The following MYO5B variants were observed in gnomAD, a reference collection of about 807,000 sequenced individuals.
The protein encoded by MYO5B is myosin VB.
In MYO5B, 143 loss-of-function variants were observed where a neutral mutation model predicts 229.3. That is an observed-to-expected ratio of 0.62 (90% CI 0.54 to 0.72). MYO5B has a LOEUF of 0.72. Ranked by LOEUF, MYO5B falls within the 30% of genes least tolerant of loss-of-function variation. MYO5B has a pLI of 0.00. For synonymous variants in MYO5B, 918 were observed against 885.2 expected, an observed-to-expected ratio of 1.04 and a Z score of -0.66; for missense variants, 2,321 against 2,331.0, an observed-to-expected ratio of 1.00 and a Z score of 0.09.
intron 1 of MYO5B, among the ~76,000 whole-genome samples, chr18:50,168,305 C>A (rs931927792): frequency 6.6e-6 from 1 of 152,206 alleles, no homozygotes; most frequent in Non-Finnish European, 1.5e-5. Context: ...AGTGGAAAAT[C>A]TGGCAACATG....
At chr18:49,831,866 A>G (rs1467391555) in intron 39 of MYO5B, among the ~76,000 whole-genome samples, 1 of 152,218 alleles carries the variant, frequency 6.6e-6, no homozygotes, top group African/African-American at 2.4e-5. Context: ...TCCATCAACC[A>G]ATGAATAGAC....
intron 1 of MYO5B, among the ~76,000 whole-genome samples, chr18:50,160,941 C>T (rs943173693): frequency 6.6e-6 from 1 of 152,234 alleles, no homozygotes; most frequent in Admixed American, 6.5e-5. Context: ...TGAAACACTG[C>T]GGCCATTCTC....
Position 50,070,620 on chromosome 18 carries a change from A to C in MYO5B, c.28-15242T>G, listed in dbSNP as rs75865559. 9.5e-3 allele frequency among the ~76,000 whole-genome samples: 1,451 copies of C among 152,208 alleles called. 20 individuals carry two copies. The highest frequency in any genetic ancestry group is 0.033 in the African/African-American group (1,372 of 41,514). On this transcript the variant is annotated intron_variant, in intron 1 of 39. Coordinates refer to ENST00000285039, the MANE Select transcript of MYO5B (RefSeq NM_001080467.3). ...AAATACCATTAATGCCACAGTTGAG[A>C]AATTCTGTTCTAGAATCATCTCAAA...
chr18:49,959,415 C>T lies in MYO5B; in HGVS notation c.1545+2851G>A, dbSNP rs549711725. The stretch of plus-strand genomic sequence containing the variant: ...ACACGAAAGCGCTAGACAAGGAAAC[C>T]TTTGGGGCCACTTCTTAAGAAACCA... On this transcript the variant is annotated intron_variant, in intron 12 of 39. Transcript: ENST00000285039. Among the ~76,000 whole-genome samples, 16 of 152,310 alleles carry T rather than the reference C, an allele frequency of 1.1e-4. No individual in the cohort carries two copies. In the South Asian group the frequency reaches 2.9e-3, roughly 28 times the overall value.
intron 1 of MYO5B, among the ~76,000 whole-genome samples, chr18:50,148,560 A>C (rs1214017172): frequency 2.0e-5 from 3 of 152,270 alleles, no homozygotes; most frequent in Admixed American, 1.3e-4. Flanking sequence ...AATTCAGCAT[A>C]TAAACAGAAC....
intron 18 of MYO5B, 48 bp from the exon 19 acceptor site, chr18:49,906,678 A>G (rs752018060): frequency 3.3e-6 from 5 of 1,512,434 alleles, no homozygotes; most frequent in Non-Finnish European, 4.6e-6. Context: ...TGAGCAGAGA[A>G]ATAACATGGC....
chr18:49,875,940 A>C, intron 25 of MYO5B, 113 bp from the exon 26 acceptor site: 1 of 1,249,802 alleles, frequency 8.0e-7, no homozygotes, highest in Non-Finnish European at 1.1e-6. Flanking sequence ...CTCTCCTCCC[A>C]AACATCAATT....
At chr18:49,984,624 G>A (rs1231464556) in intron 8 of MYO5B, 94 bp downstream of exon 8, 2 of 962,660 alleles carry the variant, frequency 2.1e-6, no homozygotes, top group East Asian at 4.8e-5. Flanking sequence ...AGCTCCTGCA[G>A]GTTGCTGGCA....
intron 22 of MYO5B, among the ~76,000 whole-genome samples, chr18:49,893,218 C>G (rs1013969044): frequency 1.3e-5 from 2 of 152,166 alleles, no homozygotes; most frequent in Non-Finnish European, 2.9e-5. Context: ...TAGGTGAGAC[C>G]TGATTTTGTG....
chr18:49,872,219 TGTG>T lies in MYO5B; in HGVS notation c.3548_3550del (p.Pro1183del). 1 of 1,614,168 alleles carries T rather than the reference TGTG, an allele frequency of 6.2e-7. No individual in the cohort carries two copies. Among genetic ancestry groups the T allele is most frequent in the Non-Finnish European group, 8.5e-7 (1 of 1,179,996 alleles). On this transcript the variant is annotated inframe_deletion, in exon 27 of 40. Coordinates refer to ENST00000285039, the MANE Select transcript of MYO5B (RefSeq NM_001080467.3). ...ATTCGGGTCCAAATCTATGTCAGTC[TGTG>T]GTGGTTCCGCCTGCATGGATAGAGA...
rs776630285 is a variant in MYO5B at position 49,974,476 on chromosome 18, T to C, written c.1196A>G (p.Asn399Ser). ...GTGCTTCGCCAGGGCGTTGCGCGCA[T>C]TGATCACCTGCTGCAGGGACATGGT... ...VKTMSLQQVI[N>S]ARNALAKHIY... Residue 399 changes from asparagine (N) to serine (S), a missense_variant, in exon 10 of 40, where the codon AAT (asparagine) becomes AGT (serine). By Grantham distance (46) the Asn-to-Ser change is conservative (BLOSUM62 1). This residue lies in a region of MYO5B where 2,113 missense variants were observed against 2,044.7 expected (regional missense o/e 1.03). Transcript: ENST00000285039. 18 of 1,614,030 alleles carry C rather than the reference T, an allele frequency of 1.1e-5. No individual in the cohort carries two copies. Among genetic ancestry groups the C allele is most frequent in the African/African-American group, 1.3e-5 (1 of 74,932 alleles).
chr18:49,884,947 T>A (rs527237187), intron 22 of MYO5B, among the ~76,000 whole-genome samples: 9 of 152,188 alleles, frequency 5.9e-5, no homozygotes, highest in Non-Finnish European at 1.2e-4. Context: ...CAGTTCACAC[T>A]CACCAGGATG....
intron 1 of MYO5B, among the ~76,000 whole-genome samples, chr18:50,067,439 G>C (rs1291643625): frequency 1.3e-5 from 2 of 152,178 alleles, no homozygotes; most frequent in Non-Finnish European, 2.9e-5. Flanking sequence ...CTGTTGTTCA[G>C]AGTCCCAGTT....
intron 39 of MYO5B, among the ~76,000 whole-genome samples, chr18:49,831,825 C>A (rs983885784): frequency 2.6e-5 from 4 of 152,072 alleles, no homozygotes; most frequent in African/African-American, 9.7e-5. Context: ...GGCATGATTC[C>A]CAATAGCCAA....
At chr18:49,837,410 T>C (rs759935859) in intron 37 of MYO5B, 107 bp downstream of exon 37, 48 of 1,363,690 alleles carry the variant, frequency 3.5e-5, no homozygotes, top group Admixed American at 5.2e-5. Context: ...GGACTGTCAA[T>C]TAGATTTGGA....
intron 7 of MYO5B, among the ~76,000 whole-genome samples, 154 bp downstream of exon 7, chr18:49,990,285 C>T (rs2025915158): frequency 6.6e-6 from 1 of 152,144 alleles, no homozygotes; most frequent in Admixed American, 6.5e-5. Context: ...ACTAATTGAG[C>T]AGTGAAATTT....
intron 32 of MYO5B, 64 bp from the exon 33 acceptor site, chr18:49,847,353 G>C: frequency 6.4e-7 from 1 of 1,573,620 alleles, no homozygotes; most frequent in Non-Finnish European, 8.6e-7. Context: ...AGGGTAGCGG[G>C]CATCTCTGGC....
intron 4 of MYO5B, among the ~76,000 whole-genome samples, chr18:50,032,390 A>G (rs1028438189): frequency 6.6e-6 from 1 of 152,186 alleles, no homozygotes; most frequent in Non-Finnish European, 1.5e-5. Context: ...CTCCAGCCCT[A>G]GGCAGCTGTA....
chr18:50,181,989 T>G (rs2033079756), intron 1 of MYO5B, among the ~76,000 whole-genome samples: 1 of 152,214 alleles, frequency 6.6e-6, no homozygotes, highest in Non-Finnish European at 1.5e-5. Context: ...ACCTCCTTAA[T>G]GCTTATTCAT....
Sources: allele counts gnomAD v4.1 joint callset (sites outside exome capture counted in the v4.1 genomes callset), GRCh38; gene constraint gnomAD v4.1.1; regional missense constraint gnomAD v4.1.1; transcripts MANE v1.5; gene names NCBI Gene and HGNC (gene_info 2026-07-23, HGNC 2026-07-21).